Variants in CNGB1 observed in about 807,000 individuals in gnomAD.
CNGB1 encodes cyclic nucleotide-gated channel beta-1.
Under a neutral mutation model 151.7 loss-of-function variants are expected in CNGB1, and 126 were observed. The observed-to-expected ratio is 0.83, with a 90% CI of 0.72 to 0.96. The LOEUF (loss-of-function observed/expected upper bound fraction) is 0.96, where lower values mean the gene tolerates loss of function less well. Ranked by LOEUF, CNGB1 falls within the 40% of genes least tolerant of loss-of-function variation. CNGB1 has a pLI of 0.00. For synonymous variants in CNGB1, 623 were observed against 635.1 expected (o/e 0.98, Z 0.29); for missense variants, 1,698 against 1,627.0 (o/e 1.04, Z -0.75).
chr16:57,904,763 C>A lies in CNGB1; in HGVS notation c.2605G>T (p.Val869Phe). Residue 869 changes from valine (V) to phenylalanine (F), a missense_variant, in exon 26 of 33, where the codon GTC becomes TTC. Val to Phe is a conservative substitution (Grantham distance 50, BLOSUM62 -1). Coordinates refer to ENST00000251102, the MANE Select transcript of CNGB1 (RefSeq NM_001297.5). Reference sequence around the variant, plus strand: ...CCGATCATCACAGAGAAAGCAAAGACGCCCGTGAAATAATTCAGCAGCTGG... The same window carrying A: ...CCGATCATCACAGAGAAAGCAAAGAAGCCCGTGAAATAATTCAGCAGCTGG... Reference protein sequence around the residue: ...VFQLLNYFTGVFAFSVMIGQM... With the variant: ...VFQLLNYFTGFFAFSVMIGQM... 1 of 1,614,150 alleles carries A rather than the reference C, an allele frequency of 6.2e-7. No homozygotes were observed. Among genetic ancestry groups the A allele is most frequent in the Non-Finnish European group, 8.5e-7 (1 of 1,180,038 alleles).
At chr16:57,888,285 T>C (rs1175604659) in intron 31 of CNGB1, among the ~76,000 whole-genome samples, 1 of 152,202 alleles carries the variant, frequency 6.6e-6, no homozygotes, top group Non-Finnish European at 1.5e-5. Context: ...AGGTGGGTCT[T>C]ACTGTCTGTT....
intron 14 of CNGB1, among the ~76,000 whole-genome samples, chr16:57,948,316 C>CTT (rs58470336): frequency 1.5e-5 from 2 of 136,642 alleles, no homozygotes; most frequent in Non-Finnish European, 1.6e-5. Flanking sequence ...TCTTCTTCTT[C>CTT]TTTTTTTTTT....
At chr16:57,939,357 A>G in intron 16 of CNGB1, 73 bp downstream of exon 16, 2 of 1,602,120 alleles carry the variant, frequency 1.2e-6, no homozygotes, top group Non-Finnish European at 1.7e-6. Flanking sequence ...TTGCCCCTGC[A>G]CGAAGGCTGC....
At chr16:57,960,446 C>T in intron 9 of CNGB1, 36 bp downstream of exon 9, 1 of 1,609,678 alleles carries the variant, frequency 6.2e-7, no homozygotes, top group Non-Finnish European at 8.5e-7. Context: ...CCGTGACCAT[C>T]CCAGGCAGCC....
intron 25 of CNGB1, among the ~76,000 whole-genome samples, chr16:57,909,432 C>A (rs1960647022): frequency 1.3e-5 from 2 of 152,198 alleles, no homozygotes; most frequent in South Asian, 2.1e-4. Context: ...GTTGCCCAGG[C>A]TGGAGTACAG....
At chr16:57,959,745 G>A (rs1173628064) in intron 10 of CNGB1, 143 bp downstream of exon 10, 32 of 1,047,580 alleles carry the variant, frequency 3.1e-5, no homozygotes, top group East Asian at 1.7e-4. Context: ...GAAAGGGCAC[G>A]AAGCTGATGT....
intron 17 of CNGB1, among the ~76,000 whole-genome samples, chr16:57,930,780 A>G (rs1436208444): frequency 6.6e-6 from 1 of 152,230 alleles, no homozygotes; most frequent in African/African-American, 2.4e-5. Flanking sequence ...GATTCCACAT[A>G]TATGAGATAT....
chr16:57,936,926 A>G (rs1426142400), intron 16 of CNGB1, among the ~76,000 whole-genome samples: 2 of 152,254 alleles, frequency 1.3e-5, no homozygotes, highest in African/African-American at 4.8e-5. Context: ...AGTCACTATC[A>G]CAAAGCAGGA....
Position 57,911,882 on chromosome 16 carries a change from A to T in CNGB1, c.2370-7T>A, listed in dbSNP as rs753301003. 1 of 1,613,274 alleles carries T rather than the reference A, an allele frequency of 6.2e-7. No homozygotes were observed. The highest frequency in any genetic ancestry group is 8.5e-7 in the Non-Finnish European group (1 of 1,179,488). On this transcript the variant is annotated splice_region_variant and splice_polypyrimidine_tract_variant and intron_variant, in intron 24 of 32. Coordinates refer to ENST00000251102, the MANE Select transcript of CNGB1 (RefSeq NM_001297.5). ...GGCTGTGGTCCTGATGACCCTGCAG[A>T]AGGAACACAGCGCATGAACACAGCG...
chr16:57,910,763 C>A (rs1960689561), intron 25 of CNGB1, among the ~76,000 whole-genome samples: 1 of 150,850 alleles, frequency 6.6e-6, no homozygotes, highest in African/African-American at 2.4e-5. Context: ...GTTGTCCCAC[C>A]CTTCCAGATC....
rs1387946708 is a variant in CNGB1 at position 57,964,182 on chromosome 16, T to G, written c.238A>C (p.Thr80Pro). ...SPQETKEAAL[T>P]STISLRAQGA... ...TGGGCCCGGAGGGATATGGTGGAAG[T>G]AAGGGCAGCCTCCTTGGTCTCTGGA... is the stretch of plus-strand genomic sequence containing the variant. The change falls in exon 4 of 33, where the codon ACT (threonine) becomes CCT (proline). Residue 80 changes from threonine to proline, a missense_variant. By Grantham distance (38) the Thr-to-Pro change is conservative. Coordinates refer to ENST00000251102, the MANE Select transcript of CNGB1 (RefSeq NM_001297.5). 1 of 1,614,134 alleles carries G rather than the reference T, an allele frequency of 6.2e-7. No homozygotes were observed. The highest frequency in any genetic ancestry group is 1.7e-5 in the Admixed American group (1 of 60,022).
chr16:57,886,154 C>G (rs528237721), intron 32 of CNGB1, among the ~76,000 whole-genome samples: 1 of 152,294 alleles, frequency 6.6e-6, no homozygotes, highest in East Asian at 1.9e-4. Flanking sequence ...TAGTGGGTGA[C>G]AGAGCTGGGA....
Position 57,920,527 on chromosome 16 carries a change from G to T in CNGB1, c.1661C>A (p.Ala554Asp). 1.9e-6 allele frequency: 3 copies of T among 1,613,374 alleles called. No homozygotes were observed. Among genetic ancestry groups the T allele is most frequent in the Non-Finnish European group, 2.5e-6 (3 of 1,180,024 alleles). Reference protein sequence around the residue: ...PKDTDGQDRAASTASTNSAII... With the variant: ...PKDTDGQDRADSTASTNSAII... ...GGCGCTATTTGTGCTGGCCGTGGAG[G>T]CCGCACGGTCCTGGCCACTGTGGGA... is the stretch of plus-strand genomic sequence containing the variant. The change falls in exon 19 of 33, where the codon GCC (alanine) becomes GAC (aspartate). Residue 554 changes from alanine to aspartate, a missense_variant. Ala to Asp is a moderately radical substitution (Grantham distance 126, BLOSUM62 -2). Transcript: ENST00000251102.
chr16:57,911,619 A>G, intron 25 of CNGB1, 134 bp downstream of exon 25: 1 of 1,250,924 alleles, frequency 8.0e-7, no homozygotes, highest in Non-Finnish European at 1.1e-6. Flanking sequence ...TTGTCATGCC[A>G]GTGATTGCTT....
intron 4 of CNGB1, 28 bp from the exon 5 acceptor site, chr16:57,963,092 C>T (rs759587564): frequency 2.6e-6 from 4 of 1,553,316 alleles, no homozygotes; most frequent in Non-Finnish European, 3.5e-6. Flanking sequence ...ACCAGCCCGC[C>T]CTCAACTTCC....
At chr16:57,969,341 A>G (rs1185068716) in intron 1 of CNGB1, among the ~76,000 whole-genome samples, 4 of 150,814 alleles carry the variant, frequency 2.7e-5, no homozygotes, top group Admixed American at 2.6e-4. Context: ...AAGGCTGGGC[A>G]TGGTGTGGCT....
chr16:57,943,327 A>G (rs1273239722), intron 14 of CNGB1, among the ~76,000 whole-genome samples: 1 of 152,144 alleles, frequency 6.6e-6, no homozygotes, highest in Admixed American at 6.5e-5. Context: ...AATGCAAATC[A>G]AAACCGCAAT....
intron 14 of CNGB1, among the ~76,000 whole-genome samples, chr16:57,941,420 C>T (rs1023196795): frequency 6.6e-6 from 1 of 152,160 alleles, no homozygotes; most frequent in Admixed American, 6.6e-5. Context: ...AAGGTGGAGA[C>T]GGGATTGTTG....
At chr16:57,940,973 G>A (rs777126578) in intron 14 of CNGB1, among the ~76,000 whole-genome samples, 8 of 152,062 alleles carry the variant, frequency 5.3e-5, no homozygotes, top group African/African-American at 1.7e-4. Context: ...GCAAATTAGC[G>A]AACCCATGTC....
Sources: gnomAD v4.1 joint callset for allele counts (sites outside exome capture counted in the v4.1 genomes callset) on GRCh38, gnomAD v4.1.1 for gene constraint, MANE v1.5 for transcripts, NCBI Gene and HGNC (gene_info 2026-07-23, HGNC 2026-07-21) for gene names.